Variants in ATG4B observed in about 807,000 individuals in gnomAD.
ATG4B encodes the protein cysteine protease ATG4B.
In ATG4B, 29 loss-of-function variants were observed where a neutral mutation model predicts 56.6. The ratio of observed to expected loss-of-function variants is 0.51; its 90% CI spans 0.38 to 0.70. The LOEUF (loss-of-function observed/expected upper bound fraction) is 0.70, where lower values mean the gene tolerates loss of function less well. Ranked by LOEUF, ATG4B falls within the 30% of genes least tolerant of loss-of-function variation. ATG4B has a pLI of 0.00. For synonymous variants in ATG4B, 224 were observed against 206.1 expected (o/e 1.09, Z -0.74); for missense variants, 461 against 515.5 (o/e 0.89, Z 1.02).
chr2:241,656,984 T>TTTGTTTTA (rs2068424725), intron 6 of ATG4B, among the ~76,000 whole-genome samples: 1 of 148,292 alleles, frequency 6.7e-6, no homozygotes, highest in Non-Finnish European at 1.5e-5. Context: ...TTTTTCTTTT[T>TTTGTTTTA]TTTTGAGACA....
chr2:241,642,848 T>G (rs1350586567), intron 1 of ATG4B, among the ~76,000 whole-genome samples: 4 of 144,274 alleles, frequency 2.8e-5, no homozygotes, highest in South Asian at 2.3e-4. Flanking sequence ...GACTCTTTCT[T>G]AAGGTGTACA....
At chr2:241,649,871 C>T (rs2068177603) in intron 1 of ATG4B, among the ~76,000 whole-genome samples, 1 of 151,348 alleles carries the variant, frequency 6.6e-6, no homozygotes, top group African/African-American at 2.4e-5. Context: ...GCAACCTCCA[C>T]CTTCTGGGTT....
chr2:241,644,585 T>C (rs2068005898), intron 1 of ATG4B, among the ~76,000 whole-genome samples: 1 of 152,218 alleles, frequency 6.6e-6, no homozygotes, highest in African/African-American at 2.4e-5. Flanking sequence ...GAATCAGAAG[T>C]GTTGGCCGGG....
At chr2:241,664,729 T>C (rs184906703) in intron 7 of ATG4B, among the ~76,000 whole-genome samples, 1 of 152,134 alleles carries the variant, frequency 6.6e-6, no homozygotes, top group East Asian at 1.9e-4. Flanking sequence ...TTCGGGAGGC[T>C]GAGGTGAGCA....
Position 241,668,246 on chromosome 2 carries a change from C to G in ATG4B, c.811+25C>G. On this transcript the variant is annotated intron_variant, in intron 9 of 12. Transcript: ENST00000404914. This position sits in a 1 kb window ranked among gnomAD's most constrained non-coding sequence, Gnocchi z 4.2. Reference sequence around the variant, plus strand: ...GGTGAGTCCAGGGTTCCCACCGTGTCCCTGTGGGCCTGGGCCTTTTAAGGG... The same window carrying G: ...GGTGAGTCCAGGGTTCCCACCGTGTGCCTGTGGGCCTGGGCCTTTTAAGGG... 3 of 1,572,926 alleles carry G rather than the reference C, an allele frequency of 1.9e-6. No homozygotes were observed. Among genetic ancestry groups the G allele is most frequent in the South Asian group, 1.2e-5 (1 of 85,370 alleles).
chr2:241,651,372 A>G lies in ATG4B; in HGVS notation c.184+37A>G, dbSNP rs1401996066. The G allele has an allele frequency of 6.7e-7, 1 of 1,484,618 alleles. No individual in the cohort carries two copies. The highest frequency in any genetic ancestry group is 2.4e-5 in the East Asian group (1 of 41,964). 92.0% of individuals were successfully genotyped at this position (1,484,618 alleles called of 1,614,324 possible). A position where few individuals can be genotyped will look rare whatever the true frequency, so the allele number is the denominator to read the frequency against. On this transcript the variant is annotated intron_variant, in intron 3 of 12. Coordinates refer to ENST00000404914, the MANE Select transcript of ATG4B (RefSeq NM_013325.5). This position sits in a 1 kb window ranked among gnomAD's most constrained non-coding sequence, Gnocchi z 4.1. ...GTTTTATTACAACGCGGGACAAAAT[A>G]TGTTTTTAGGAAGGAGGAAAACTTA...
Position 241,668,616 on chromosome 2 carries a change from C to T in ATG4B, c.888C>T (p.Asp296=), listed in dbSNP as rs567002477. Residue 296 remains aspartate, a synonymous_variant, in exon 10 of 13, where the codon GAC becomes GAT. Transcript: ENST00000404914. This position sits in a 1 kb window ranked among gnomAD's most constrained non-coding sequence, Gnocchi z 4.2. ...VEPTDGCFIP[D]ESFHCQHPPC... ...CCACTGATGGCTGCTTCATCCCGGA[C>T]GAGAGCTTCCACTGCCAGCACCCGC... 1.1e-5 allele frequency: 18 copies of T among 1,590,378 alleles called. No homozygotes were observed. Among genetic ancestry groups the T allele is most frequent in the African/African-American group, 9.4e-5 (7 of 74,380 alleles).
At chr2:241,638,274 C>T (rs968354715) in intron 1 of ATG4B, 7 of 152,218 alleles carry the variant, frequency 4.6e-5, no homozygotes, top group African/African-American at 1.7e-4. Context: ...CCAGTAGATT[C>T]TCCAAGCTGC....
intron 1 of ATG4B, among the ~76,000 whole-genome samples, chr2:241,648,471 T>G (rs764438170): frequency 1.3e-5 from 2 of 152,046 alleles, no homozygotes; most frequent in Non-Finnish European, 2.9e-5. Flanking sequence ...GGCACATGCC[T>G]GTAGTCTCAG....
chr2:241,649,312 G>A (rs1343583092), intron 1 of ATG4B, among the ~76,000 whole-genome samples: 1 of 152,226 alleles, frequency 6.6e-6, no homozygotes, highest in African/African-American at 2.4e-5. Flanking sequence ...AAGACTTCTG[G>A]AAAGAGTCAT....
At chr2:241,670,052 G>C (rs967229046) in intron 10 of ATG4B, among the ~76,000 whole-genome samples, 3 of 152,216 alleles carry the variant, frequency 2.0e-5, no homozygotes, top group African/African-American at 7.2e-5. Flanking sequence ...CTGTCCCCGG[G>C]GGAGAGTGCT....
chr2:241,663,252 AAAT>A (rs1337931423), intron 7 of ATG4B, among the ~76,000 whole-genome samples: 2 of 152,164 alleles, frequency 1.3e-5, no homozygotes, highest in African/African-American at 4.8e-5. Context: ...AAACAACAAA[AAAT>A]AATAAAAATA....
intron 5 of ATG4B, 94 bp from the exon 6 acceptor site, chr2:241,655,177 G>A: frequency 7.5e-7 from 1 of 1,325,104 alleles, no homozygotes; most frequent in Non-Finnish European, 1.1e-6. Flanking sequence ...GTGCTGTCCA[G>A]GCCTTCCTGT....
At chr2:241,669,599 C>T (rs1055424970) in intron 10 of ATG4B, among the ~76,000 whole-genome samples, 1 of 152,210 alleles carries the variant, frequency 6.6e-6, no homozygotes, top group Non-Finnish European at 1.5e-5. Context: ...GCTCCGCCTC[C>T]CAGGTTCACG....
intron 1 of ATG4B, among the ~76,000 whole-genome samples, chr2:241,639,631 C>T (rs1282270608): frequency 6.6e-6 from 1 of 152,182 alleles, no homozygotes. Flanking sequence ...TGATGAAACA[C>T]CCCTCAGCAG....
chr2:241,649,203 C>T (rs868110217), intron 1 of ATG4B, among the ~76,000 whole-genome samples: 14 of 152,304 alleles, frequency 9.2e-5, no homozygotes, highest in African/African-American at 3.4e-4. Flanking sequence ...AGTTCACACA[C>T]GATGCTTTTT....
intron 6 of ATG4B, among the ~76,000 whole-genome samples, chr2:241,657,823 G>A (rs915915720): frequency 2.6e-5 from 4 of 152,132 alleles, no homozygotes; most frequent in African/African-American, 9.7e-5. Context: ...AAACATATTG[G>A]CCACTGCTCT....
At chr2:241,671,859 T>C in intron 12 of ATG4B, 1 of 1,290,478 alleles carries the variant, frequency 7.7e-7, no homozygotes, top group Middle Eastern at 3.1e-4. Flanking sequence ...TCCTCATCTC[T>C]GTCTCCCTGT....
chr2:241,661,092 C>CA (rs1424096813), intron 7 of ATG4B, among the ~76,000 whole-genome samples: 3 of 152,216 alleles, frequency 2.0e-5, no homozygotes, highest in Admixed American at 6.5e-5. Flanking sequence ...CGTGGCTTGT[C>CA]AGAGTGAGAG....
Sources: gnomAD v4.1 joint callset for allele counts (sites outside exome capture counted in the v4.1 genomes callset) on GRCh38, gnomAD v4.1.1 for gene constraint, Gnocchi (gnomAD v3.1) non-coding constraint, MANE v1.5 for transcripts, NCBI Gene and HGNC (gene_info 2026-07-23, HGNC 2026-07-21) for gene names.